Variants in STMND1 observed in about 807,000 individuals in gnomAD.
STMND1 encodes stathmin domain-containing protein 1.
STMND1 carries 17 observed loss-of-function variants against 23.0 expected under a neutral mutation model. The ratio of observed to expected loss-of-function variants is 0.74; its 90% CI spans 0.51 to 1.11. The LOEUF (loss-of-function observed/expected upper bound fraction) is 1.11. Among genes scored for constraint, STMND1 ranks in the 50% least tolerant of loss-of-function variants. STMND1 has a pLI of 0.00. For synonymous variants in STMND1, 114 were observed against 119.9 expected (o/e 0.95, Z 0.32); for missense variants, 305 against 329.1 (o/e 0.93, Z 0.57).
In STMND1 at chr6:17,102,204, C is replaced by T. The variant is rs1760946744; in HGVS notation, c.-54C>T. Reference sequence around the variant, plus strand: ...CGGCGCCGGAGCGCGGCAGGGAGCGCTCGCGGGGGCGCACAGCAGCCAAGC... The same window carrying T: ...CGGCGCCGGAGCGCGGCAGGGAGCGTTCGCGGGGGCGCACAGCAGCCAAGC... On this transcript the variant is annotated 5_prime_UTR_variant, in exon 1 of 5. Coordinates refer to ENST00000536551, the MANE Select transcript of STMND1 (RefSeq NM_001190766.2). 4.1e-6 allele frequency: 6 copies of T among 1,480,996 alleles called. No individual in the cohort carries two copies. The highest frequency in any genetic ancestry group is 2.4e-5 in the Admixed American group (1 of 41,680). The allele number at this position is 1,480,996 out of a possible 1,614,324, so 91.7% of individuals were successfully genotyped here.
rs1326894600 is a variant in STMND1 at position 17,130,909 on chromosome 6, G to A, written c.*28G>A. ...CATTTTTTGTGAATTTCATAAGAAA[G>A]CATTCATTCTCCCCATTTGTGACAT... On this transcript the variant is annotated 3_prime_UTR_variant, in exon 5 of 5. Transcript: ENST00000536551. The A allele has an allele frequency of 6.1e-6, 9 of 1,480,556 alleles. No homozygotes were observed. Among genetic ancestry groups the A allele is most frequent in the Non-Finnish European group, 9.0e-7 (1 of 1,115,926 alleles). 91.7% of individuals were successfully genotyped at this position (1,480,556 alleles called of 1,614,324 possible).
chr6:17,129,037 A>G (rs896000429), intron 3 of STMND1, 75 bp from the exon 4 acceptor site: 19 of 1,431,560 alleles, frequency 1.3e-5, no homozygotes, highest in Non-Finnish European at 1.7e-5. Context: ...TAAACTGTTT[A>G]TTCTAACTCT....
chr6:17,107,493 A>T (rs1761040288), intron 1 of STMND1, among the ~76,000 whole-genome samples: 2 of 152,204 alleles, frequency 1.3e-5, no homozygotes, highest in African/African-American at 4.8e-5. Flanking sequence ...CCCCCGAGGA[A>T]AAAATAGAAC....
At chr6:17,107,114 T>C (rs1761035207) in intron 1 of STMND1, among the ~76,000 whole-genome samples, 1 of 152,188 alleles carries the variant, frequency 6.6e-6, no homozygotes, top group African/African-American at 2.4e-5. Flanking sequence ...ATTCTTCTTA[T>C]ATGTCTATAG....
At chr6:17,103,855 T>C (rs1760979510) in intron 1 of STMND1, among the ~76,000 whole-genome samples, 1 of 151,956 alleles carries the variant, frequency 6.6e-6, no homozygotes, top group South Asian at 2.1e-4. Flanking sequence ...CAGGTGTAAC[T>C]CACCGCACCC....
intron 3 of STMND1, 192 bp from the exon 4 acceptor site, chr6:17,128,920 C>T (rs976709935): frequency 5.8e-5 from 27 of 466,710 alleles, no homozygotes; most frequent in Middle Eastern, 1.3e-3. Flanking sequence ...ACTATGTTGC[C>T]CAGGCTGGCC....
At chr6:17,128,611 C>T (rs1761339020) in intron 3 of STMND1, 1 of 152,344 alleles carries the variant, frequency 6.6e-6, no homozygotes, top group Non-Finnish European at 1.5e-5. Flanking sequence ...TTTAAGGCAT[C>T]TAAAAGATCT....
chr6:17,124,131 C>A (rs12194276), intron 3 of STMND1, among the ~76,000 whole-genome samples: 48,191 of 151,660 alleles, frequency 0.32, 7,764 homozygotes, highest in Non-Finnish European at 0.34. Context: ...ATAGTCAAAA[C>A]AAAGATATTA....
intron 1 of STMND1, among the ~76,000 whole-genome samples, chr6:17,109,375 A>G (rs1253675129): frequency 6.6e-6 from 1 of 152,230 alleles, no homozygotes; most frequent in African/African-American, 2.4e-5. Context: ...ACAAGCATGC[A>G]AGAATCCCTA....
At position 17,105,308 on chromosome 6, in the gene STMND1, C is replaced by T. The variant is rs184109935; in HGVS notation, c.81+2970C>T. On this transcript the variant is annotated intron_variant, in intron 1 of 4. Transcript: ENST00000536551. ...GTCAAGTGCTCATACCAATGCCTGACGCAGAATAAGTGCATGATGTAAATT... is the reference window on the plus strand; with the variant it reads ...GTCAAGTGCTCATACCAATGCCTGATGCAGAATAAGTGCATGATGTAAATT... Among the ~76,000 whole-genome samples, 86 of 152,258 alleles carry T rather than the reference C, an allele frequency of 5.6e-4. 1 individual carries two copies. The highest frequency in any genetic ancestry group is 1.9e-3 in the African/African-American group (79 of 41,550).
intron 1 of STMND1, among the ~76,000 whole-genome samples, chr6:17,103,680 TC>T (rs1446524846): frequency 6.7e-6 from 1 of 148,934 alleles, no homozygotes; most frequent in East Asian, 2.0e-4. Context: ...CAAGCAATTC[TC>T]CTGCCTCAGC....
rs192686312 is a variant in STMND1, at chr6:17,129,463, T to C, written c.543+220T>C. Among the ~76,000 whole-genome samples, 450 of 151,090 alleles carry C rather than the reference T, an allele frequency of 3.0e-3. 6 individuals are homozygous for C. The highest frequency in any genetic ancestry group is 4.5e-3 in the East Asian group (23 of 5,130). On this transcript the variant is annotated intron_variant, in intron 4 of 4. Transcript: ENST00000536551. ...CAGAGCTCACTGCAATCTTGAACTTTTGGGCTCAAGCGGTCCCCCTGTCTC... is the reference window on the plus strand; with the variant it reads ...CAGAGCTCACTGCAATCTTGAACTTCTGGGCTCAAGCGGTCCCCCTGTCTC...
chr6:17,106,239 C>G (rs1262145026), intron 1 of STMND1, among the ~76,000 whole-genome samples: 1 of 152,208 alleles, frequency 6.6e-6, no homozygotes, highest in African/African-American at 2.4e-5. Context: ...TGCCACCATG[C>G]TGGCAGGGTT....
intron 2 of STMND1, among the ~76,000 whole-genome samples, chr6:17,117,665 C>T (rs1761178074): frequency 7.8e-6 from 1 of 128,582 alleles, no homozygotes; most frequent in Admixed American, 8.6e-5. Flanking sequence ...ATTTGGGTTA[C>T]GCTTTTTTTT....
intron 1 of STMND1, among the ~76,000 whole-genome samples, chr6:17,102,591 G>A (rs1341214656): frequency 2.6e-5 from 4 of 152,146 alleles, no homozygotes; most frequent in Non-Finnish European, 4.4e-5. Flanking sequence ...ATGGCTATAA[G>A]ATCAATTTTG....
At chr6:17,120,942 G>A (rs1332389088) in intron 3 of STMND1, among the ~76,000 whole-genome samples, 184 bp downstream of exon 3, 1 of 152,140 alleles carries the variant, frequency 6.6e-6, no homozygotes, top group Admixed American at 6.6e-5. Context: ...GTTTGGTTCT[G>A]TGCTCCCACC....
At chr6:17,126,146 G>A (rs1362162305) in intron 3 of STMND1, among the ~76,000 whole-genome samples, 1 of 124,886 alleles carries the variant, frequency 8.0e-6, no homozygotes, top group Non-Finnish European at 1.6e-5. Flanking sequence ...TTGAATTTCT[G>A]AACTCAAGTG....
rs1339567856 is a variant in STMND1 at position 17,130,817 on chromosome 6, A to G, written c.767A>G (p.Asp256Gly). ...DATLIDRNES[D>G]ESFGVVESDM... ...ACCTTGATTGATAGAAACGAAAGTGATGAAAGTTTTGGGGTCGTGGAGTCA... is the reference window on the plus strand; with the variant it reads ...ACCTTGATTGATAGAAACGAAAGTGGTGAAAGTTTTGGGGTCGTGGAGTCA... Residue 256 changes from aspartate to glycine, a missense_variant, in exon 5 of 5, where the codon GAT becomes GGT. By Grantham distance (94) the Asp-to-Gly change is moderately conservative (BLOSUM62 -1). Transcript: ENST00000536551. 1.2e-5 allele frequency: 19 copies of G among 1,536,042 alleles called. No homozygotes were observed. The highest frequency in any genetic ancestry group is 1.7e-5 in the Non-Finnish European group (19 of 1,146,898).
chr6:17,114,753 C>A (rs551841743), intron 1 of STMND1, among the ~76,000 whole-genome samples: 65 of 152,336 alleles, frequency 4.3e-4, no homozygotes, highest in African/African-American at 1.5e-3. Context: ...CCACTCCTCA[C>A]CTCCCGCTCT....
Sources: gnomAD v4.1 joint callset for allele counts (sites outside exome capture counted in the v4.1 genomes callset) on GRCh38, gnomAD v4.1.1 for gene constraint, MANE v1.5 for transcripts, NCBI Gene and HGNC (gene_info 2026-07-23, HGNC 2026-07-21) for gene names.